The following SLC6A19 variants were observed in gnomAD, a reference collection of about 807,000 sequenced individuals.
SLC6A19 encodes the protein sodium-dependent neutral amino acid transporter B(0)AT1.
SLC6A19 carries 67 observed loss-of-function variants against 68.3 expected under a neutral mutation model. That is an observed-to-expected ratio of 0.98 (90% CI 0.81 to 1.20). SLC6A19 has a LOEUF of 1.20. SLC6A19 is among the 50% of genes most tolerant of loss of function. SLC6A19 has a pLI of 0.00. For missense variants in SLC6A19, 813 were observed against 851.6 expected (o/e 0.95, Z 0.56); for synonymous variants, 392 against 374.9 (o/e 1.05, Z -0.53).
intron 3 of SLC6A19, among the ~76,000 whole-genome samples, chr5:1,210,981 C>T (rs759553789): frequency 6.6e-6 from 1 of 152,224 alleles, no homozygotes. Flanking sequence ...ATGTGGGGCC[C>T]GCATTGCCCT....
At position 1,210,567 on chromosome 5, in the gene SLC6A19, A is replaced by G; in HGVS notation, c.467A>G (p.Asn156Ser). Residue 156 changes from asparagine (N) to serine (S), a missense_variant, in exon 3 of 12, where the codon AAC (asparagine) becomes AGC (serine). Asn to Ser is a conservative substitution (Grantham distance 46, BLOSUM62 1). Transcript: ENST00000304460. ...CTGCCCTGGAGCGACTGCCCGCTCAACGAGAACCAGACAGGTGAGTCCTTG... is the reference window on the plus strand; with the variant it reads ...CTGCCCTGGAGCGACTGCCCGCTCAGCGAGAACCAGACAGGTGAGTCCTTG... ...EPLPWSDCPL[N>S]ENQTGYVDEC... The G allele has an allele frequency of 6.2e-7, 1 of 1,613,014 alleles. No individual in the cohort carries two copies. The highest frequency in any genetic ancestry group is 8.5e-7 in the Non-Finnish European group (1 of 1,180,014).
At chr5:1,218,054 C>T (rs1043530506) in intron 8 of SLC6A19, among the ~76,000 whole-genome samples, 6 of 152,042 alleles carry the variant, frequency 3.9e-5, no homozygotes, top group African/African-American at 1.4e-4. Context: ...CCCGCCTCCT[C>T]CCACCTCCTG....
Position 1,224,888 on chromosome 5 carries a change from C to A in SLC6A19, c.*2984C>A, listed in dbSNP as rs144549751. On this transcript the variant is annotated 3_prime_UTR_variant, in exon 12 of 12. Transcript: ENST00000304460. ...GAGAGGACTCAGCCCTCTGCCCCCA[C>A]GCACGGTGGGTGCCTGTCACCCTGT... 21 of 154,498 alleles carry A rather than the reference C, an allele frequency of 1.4e-4. No individual in the cohort carries two copies. The highest frequency in any genetic ancestry group is 6.3e-4 in the Admixed American group (10 of 15,806). 9.6% of individuals were successfully genotyped at this position (154,498 alleles called of 1,614,324 possible). A position where few individuals can be genotyped will look rare whatever the true frequency, so the allele number is the denominator to read the frequency against.
intron 2 of SLC6A19, among the ~76,000 whole-genome samples, chr5:1,210,110 G>A (rs933113512): frequency 2.0e-5 from 3 of 152,258 alleles, no homozygotes; most frequent in Non-Finnish European, 4.4e-5. Flanking sequence ...CTGCGAAGGC[G>A]GTGGCCTGGA....
chr5:1,201,699 T>A lies in SLC6A19; in HGVS notation c.49T>A (p.Ser17Thr), dbSNP rs1377869811. The A allele has an allele frequency of 6.2e-7, 1 of 1,611,616 alleles. No individual in the cohort carries two copies. The highest frequency in any genetic ancestry group is 8.5e-7 in the Non-Finnish European group (1 of 1,179,844). Reference protein sequence around the residue: ...PNPGLDARIPSLAELETIEQE... With the variant: ...PNPGLDARIPTLAELETIEQE... ...CCCCGGCCTAGACGCCCGGATCCCG[T>A]CCCTGGCTGAGCTGGAGACCATCGA... is the stretch of plus-strand genomic sequence containing the variant. The change falls in exon 1 of 12, where the codon TCC becomes ACC. Residue 17 changes from serine (S) to threonine (T), a missense_variant. Physicochemically the swap from Ser to Thr is moderately conservative, Grantham distance 58 (BLOSUM62 1). Coordinates refer to ENST00000304460, the MANE Select transcript of SLC6A19 (RefSeq NM_001003841.3).
At chr5:1,205,935 G>A (rs551616893) in intron 1 of SLC6A19, among the ~76,000 whole-genome samples, 6 of 152,116 alleles carry the variant, frequency 3.9e-5, no homozygotes, top group Non-Finnish European at 5.9e-5. Flanking sequence ...TTCATCTCTC[G>A]ATGAATCCAG....
At chr5:1,211,870 G>A (rs745497806) in intron 3 of SLC6A19, among the ~76,000 whole-genome samples, 3 of 150,836 alleles carry the variant, frequency 2.0e-5, no homozygotes, top group Non-Finnish European at 3.0e-5. Flanking sequence ...GACCAGATGT[G>A]CACGCGAGAG....
At chr5:1,207,276 A>G (rs1477226836) in intron 1 of SLC6A19, among the ~76,000 whole-genome samples, 3 of 152,168 alleles carry the variant, frequency 2.0e-5, no homozygotes, top group Admixed American at 6.5e-5. Context: ...GGGCACCGTC[A>G]TGATGCCCAG....
At position 1,219,227 on chromosome 5, in the gene SLC6A19, C is replaced by A. The variant is rs936626548; in HGVS notation, c.1378+120C>A. 4.0e-6 allele frequency: 4 copies of A among 1,012,118 alleles called. No individual in the cohort carries two copies. In the East Asian group the frequency reaches 8.0e-5, roughly 20 times the overall value. The allele number at this position is 1,012,118 out of a possible 1,614,324, so 62.7% of individuals were successfully genotyped here. ...GTGCAGCCCCCGGGCGTGTGAACAGCTCTGTCCCCGGCCGTGCGTGCAGCC... is the reference window on the plus strand; with the variant it reads ...GTGCAGCCCCCGGGCGTGTGAACAGATCTGTCCCCGGCCGTGCGTGCAGCC... On this transcript the variant is annotated intron_variant, in intron 9 of 11. Coordinates refer to ENST00000304460, the MANE Select transcript of SLC6A19 (RefSeq NM_001003841.3).
rs1745970847 is a variant in SLC6A19 at position 1,209,754 on chromosome 5, C to T, written c.344-690C>T. Among the ~76,000 whole-genome samples, 1 of 151,250 alleles carries T rather than the reference C, an allele frequency of 6.6e-6. No individual in the cohort carries two copies. Among genetic ancestry groups the T allele is most frequent in the Non-Finnish European group, 1.5e-5 (1 of 67,898 alleles). On this transcript the variant is annotated intron_variant, in intron 2 of 11. Coordinates refer to ENST00000304460, the MANE Select transcript of SLC6A19 (RefSeq NM_001003841.3). The surrounding 1 kb of genome is among the most constrained non-coding windows in gnomAD (Gnocchi z 5.5). ...TTTCCCCCTCCTATTCTCTCTGTCT[C>T]TTCCCTCTTCTCTCTCTTCCCCTAT...
rs1025358190 is a variant in SLC6A19, at chr5:1,222,419, A to C, written c.*515A>C. ...TATGTATATCTGTGAGTGTATATAC[A>C]TGCATGCAATTGTGTGTATGTGTGT... On this transcript the variant is annotated 3_prime_UTR_variant, in exon 12 of 12. Transcript: ENST00000304460. 27 of 447,014 alleles carry C rather than the reference A, an allele frequency of 6.0e-5. No individual in the cohort carries two copies. The highest frequency in any genetic ancestry group is 7.8e-5 in the Non-Finnish European group (20 of 255,384). The allele number at this position is 447,014 out of a possible 1,614,324, so 27.7% of individuals were successfully genotyped here. A position where few individuals can be genotyped will look rare whatever the true frequency, so the allele number is the denominator to read the frequency against.
Position 1,222,167 on chromosome 5 carries a change from A to G in SLC6A19, c.*263A>G. 1 of 596,866 alleles carries G rather than the reference A, an allele frequency of 1.7e-6. No homozygotes were observed. The highest frequency in any genetic ancestry group is 2.0e-5 in the South Asian group (1 of 49,882). The allele number at this position is 596,866 out of a possible 1,614,324, so 37.0% of individuals were successfully genotyped here. On this transcript the variant is annotated 3_prime_UTR_variant, in exon 12 of 12. Transcript: ENST00000304460. The stretch of plus-strand genomic sequence containing the variant: ...TGTGTGTATTGTATGTGCATGTGCC[A>G]TGTGTGCAGATGTGTCATGTTGTGT...
At position 1,211,903 on chromosome 5, in the gene SLC6A19, G is replaced by T. The variant is rs1007878345; in HGVS notation, c.482-400G>T. 3.4e-4 allele frequency among the ~76,000 whole-genome samples: 51 copies of T among 151,480 alleles called. 1 individual carries two copies. Among genetic ancestry groups the T allele is most frequent in the Non-Finnish European group, 3.2e-4 (22 of 67,910 alleles). On this transcript the variant is annotated intron_variant, in intron 3 of 11. Coordinates refer to ENST00000304460, the MANE Select transcript of SLC6A19 (RefSeq NM_001003841.3). ...GAGTACAGTCACACTTGTGTGCTGT[G>T]TGTGTACATGCATGTGTGTGCATGT...
rs1439761387 is a variant in SLC6A19 at position 1,212,234 on chromosome 5, C to A, written c.482-69C>A. The A allele has an allele frequency of 1.3e-5, 21 of 1,597,922 alleles. No homozygotes were observed. The highest frequency in any genetic ancestry group is 1.8e-5 in the Non-Finnish European group (21 of 1,173,560). On this transcript the variant is annotated intron_variant, in intron 3 of 11. Transcript: ENST00000304460. The surrounding 1 kb of genome is among the most constrained non-coding windows in gnomAD (Gnocchi z 5.1). ...GGAACGTGGCTGGCATTTCTTCCAG[C>A]TCAGGGCCTTCCATTCTCCTCCCTT... is the stretch of plus-strand genomic sequence containing the variant.
rs1228331494 is a variant in SLC6A19, at chr5:1,212,077, C to T, written c.482-226C>T. 6.7e-6 allele frequency among the ~76,000 whole-genome samples: 1 copy of T among 148,280 alleles called. No homozygotes were observed. Among genetic ancestry groups the T allele is most frequent in the East Asian group, 2.0e-4 (1 of 4,882 alleles). ...TGTGCATGTGTGGGGTGTGCAGGTG[C>T]ATGGACCAGATGTGCACACGAGGGT... On this transcript the variant is annotated intron_variant, in intron 3 of 11. Transcript: ENST00000304460. The surrounding 1 kb of genome is among the most constrained non-coding windows in gnomAD (Gnocchi z 5.1).
chr5:1,219,071 G>T lies in SLC6A19; in HGVS notation c.1342G>T (p.Val448Phe). Residue 448 changes from valine to phenylalanine, a missense_variant, in exon 9 of 12, where the codon GTC becomes TTC. By Grantham distance (50) the Val-to-Phe change is conservative. Coordinates refer to ENST00000304460, the MANE Select transcript of SLC6A19 (RefSeq NM_001003841.3). The stretch of plus-strand genomic sequence containing the variant: ...CGTTGTGCCCCTGCAGGACCTCAGA[G>T]TCATCCCCCCGAAGTGGCCCAAGGA... ...GVVVPLQDLRVIPPKWPKEVL... is the reference protein window; with the variant it reads ...GVVVPLQDLRFIPPKWPKEVL... The T allele has an allele frequency of 1.2e-6, 2 of 1,613,912 alleles. No homozygotes were observed. Among genetic ancestry groups the T allele is most frequent in the Non-Finnish European group, 1.7e-6 (2 of 1,179,958 alleles).
rs1423422646 is a variant in SLC6A19 at position 1,223,899 on chromosome 5, CCTTT to C, written c.*1997_*2000del. The C allele has an allele frequency of 1.3e-5, 2 of 152,376 alleles. No individual in the cohort carries two copies. Among genetic ancestry groups the C allele is most frequent in the Non-Finnish European group, 2.9e-5 (2 of 68,130 alleles). The allele number at this position is 152,376 out of a possible 1,614,324, so 9.4% of individuals were successfully genotyped here. ...GCACACACTGAGTCCCCTACCAGCCCCTTTCACCCTGCTGACTGTCACTGGGCCC... is the reference window on the plus strand; with the variant it reads ...GCACACACTGAGTCCCCTACCAGCCCCACCCTGCTGACTGTCACTGGGCCC... On this transcript the variant is annotated 3_prime_UTR_variant, in exon 12 of 12. Coordinates refer to ENST00000304460, the MANE Select transcript of SLC6A19 (RefSeq NM_001003841.3).
chr5:1,218,048 C>T (rs916307228), intron 8 of SLC6A19, among the ~76,000 whole-genome samples: 1 of 151,876 alleles, frequency 6.6e-6, no homozygotes, highest in Non-Finnish European at 1.5e-5. Flanking sequence ...CCTCCTCCCG[C>T]CTCCTCCCAC....
intron 1 of SLC6A19, among the ~76,000 whole-genome samples, chr5:1,202,291 G>A (rs1321773927): frequency 6.6e-6 from 1 of 152,214 alleles, no homozygotes; most frequent in Non-Finnish European, 1.5e-5. Context: ...TTGGGGGCAG[G>A]TGACCCTAGA....
Sources: allele counts gnomAD v4.1 joint callset (sites outside exome capture counted in the v4.1 genomes callset), GRCh38; gene constraint gnomAD v4.1.1; non-coding constraint Gnocchi (gnomAD v3.1); transcripts MANE v1.5; gene names NCBI Gene and HGNC (gene_info 2026-07-23, HGNC 2026-07-21).